The following MAGI1 variants were observed in gnomAD, a reference collection of about 807,000 sequenced individuals.
MAGI1 encodes membrane associated guanylate kinase, WW and PDZ domain containing 1, also known as membrane-associated guanylate kinase, WW and PDZ domain-containing protein 1.
MAGI1 carries 58 observed loss-of-function variants against 139.9 expected under a neutral mutation model. The observed-to-expected ratio is 0.41, with a 90% CI of 0.34 to 0.52. The LOEUF (loss-of-function observed/expected upper bound fraction) is 0.52, where lower values mean the gene tolerates loss of function less well. Ranked by LOEUF, MAGI1 falls within the 20% of genes least tolerant of loss-of-function variation. The pLI, the probability that MAGI1 is intolerant of heterozygous loss-of-function variation, is 0.12. For synonymous variants in MAGI1, 812 were observed against 737.9 expected, an observed-to-expected ratio of 1.10 and a Z score of -1.63; for missense variants, 1,874 against 1,901.6, an observed-to-expected ratio of 0.99 and a Z score of 0.27.
At chr3:65,915,891 T>A (rs865782681) in intron 1 of MAGI1, among the ~76,000 whole-genome samples, 16 of 151,900 alleles carry the variant, frequency 1.1e-4, no homozygotes, top group Admixed American at 1.1e-3. Flanking sequence ...CTTTGATTTA[T>A]GTTGAAAAAG....
At chr3:66,022,611 T>A (rs1173742476) in intron 1 of MAGI1, among the ~76,000 whole-genome samples, 1 of 152,210 alleles carries the variant, frequency 6.6e-6, no homozygotes, top group Non-Finnish European at 1.5e-5. Flanking sequence ...TACTGGGGAT[T>A]TTTTTCCATC....
chr3:65,460,161 T>G (rs1949675585), intron 5 of MAGI1, among the ~76,000 whole-genome samples: 1 of 152,224 alleles, frequency 6.6e-6, no homozygotes, highest in South Asian at 2.1e-4. Flanking sequence ...GAGCATTGAT[T>G]CTTTAGCCTG....
intron 12 of MAGI1, among the ~76,000 whole-genome samples, chr3:65,410,628 A>G (rs1487336768): frequency 6.6e-6 from 1 of 152,226 alleles, no homozygotes; most frequent in African/African-American, 2.4e-5. Flanking sequence ...GGGTCAAGGT[A>G]TCTAGGGCTC....
intron 2 of MAGI1, among the ~76,000 whole-genome samples, chr3:65,514,477 C>T (rs1192486061): frequency 2.7e-5 from 4 of 149,768 alleles, no homozygotes; most frequent in South Asian, 2.1e-4. Context: ...AAACAAACAA[C>T]CCCATCAAAA....
chr3:65,468,997 A>T (rs1325403381), intron 5 of MAGI1, among the ~76,000 whole-genome samples: 1 of 151,320 alleles, frequency 6.6e-6, no homozygotes, highest in Non-Finnish European at 1.5e-5. Context: ...AAATGTGTGT[A>T]TACACACACA....
chr3:66,038,525 C>G lies in MAGI1; in HGVS notation c.-217G>C. The G allele has an allele frequency of 1.0e-5, 6 of 586,576 alleles. No individual in the cohort carries two copies. In the South Asian group the frequency reaches 2.3e-4, roughly 22 times the overall value. The allele number at this position is 586,576 out of a possible 1,614,324, so 36.3% of individuals were successfully genotyped here. Reference sequence around the variant, plus strand: ...GGCTTCCCCGCGAGCCCCGCACAGGCGCCCGCGAGCTTTGTTTGCATTCCG... The same window carrying G: ...GGCTTCCCCGCGAGCCCCGCACAGGGGCCCGCGAGCTTTGTTTGCATTCCG... On this transcript the variant is annotated 5_prime_UTR_variant, in exon 1 of 23. Transcript: ENST00000402939.
At position 65,879,081 on chromosome 3, in the gene MAGI1, CAA is replaced by C. The variant is rs566553762; in HGVS notation, c.313+158913_313+158914del. ...CAATCCACGTTTGAAAAACAACCAC[CAA>C]AAAGACTTGTGCTCATTGGTAAACA... On this transcript the variant is annotated intron_variant, in intron 1 of 22. Transcript: ENST00000402939. 4.4e-3 allele frequency among the ~76,000 whole-genome samples: 668 copies of C among 152,090 alleles called. 1 individual carries two copies. The highest frequency in any genetic ancestry group is 6.1e-3 in the Non-Finnish European group (412 of 67,986).
At chr3:65,854,177 A>T (rs757808731) in intron 1 of MAGI1, among the ~76,000 whole-genome samples, 11 of 38,966 alleles carry the variant, frequency 2.8e-4, no homozygotes, top group Admixed American at 7.9e-4. Flanking sequence ...TTAAAGGTTT[A>T]AAAAAAAAAA....
intron 1 of MAGI1, among the ~76,000 whole-genome samples, chr3:65,796,463 G>A (rs1024265037): frequency 1.6e-4 from 25 of 152,098 alleles, no homozygotes; most frequent in African/African-American, 5.8e-4. Context: ...CATTACAGCT[G>A]CTGTTTCATC....
chr3:65,808,597 G>A (rs1006098630), intron 1 of MAGI1, among the ~76,000 whole-genome samples: 5 of 152,150 alleles, frequency 3.3e-5, no homozygotes, highest in African/African-American at 9.7e-5. Context: ...ATGGGTCAAG[G>A]GACAATATTA....
intron 2 of MAGI1, among the ~76,000 whole-genome samples, chr3:65,613,788 G>A (rs747631908): frequency 3.3e-5 from 5 of 152,050 alleles, no homozygotes; most frequent in Admixed American, 6.6e-5. Flanking sequence ...CTAGTGTTGG[G>A]TTGTTACTCA....
At chr3:65,739,589 T>C (rs527425114) in intron 1 of MAGI1, among the ~76,000 whole-genome samples, 1 of 152,214 alleles carries the variant, frequency 6.6e-6, no homozygotes, top group South Asian at 2.1e-4. Context: ...CTCTAGCTTT[T>C]GATTTAAAGT....
intron 7 of MAGI1, among the ~76,000 whole-genome samples, 199 bp downstream of exon 7, chr3:65,447,823 T>C (rs1383285914): frequency 1.3e-5 from 2 of 152,224 alleles, no homozygotes; most frequent in Non-Finnish European, 2.9e-5. Flanking sequence ...GTAAACATAA[T>C]GTACTACAAC....
intron 1 of MAGI1, among the ~76,000 whole-genome samples, chr3:65,671,614 G>C (rs2086862157): frequency 6.6e-6 from 1 of 152,198 alleles, no homozygotes; most frequent in African/African-American, 2.4e-5. Context: ...CAGAGAATCA[G>C]AGTGTCAAGG....
At chr3:65,479,823 T>C (rs1951145785) in intron 3 of MAGI1, among the ~76,000 whole-genome samples, 2 of 152,174 alleles carry the variant, frequency 1.3e-5, no homozygotes, top group Admixed American at 6.5e-5. Flanking sequence ...CATGTTCTCA[T>C]ATGAACAAAA....
intron 1 of MAGI1, among the ~76,000 whole-genome samples, chr3:65,827,279 C>T (rs1029676534): frequency 2.0e-5 from 3 of 151,948 alleles, no homozygotes; most frequent in Non-Finnish European, 1.5e-5. Flanking sequence ...TTCAGAATGT[C>T]GAAAGTTGAT....
chr3:65,983,245 G>A (rs914873467), intron 1 of MAGI1, among the ~76,000 whole-genome samples: 2 of 152,174 alleles, frequency 1.3e-5, no homozygotes, highest in African/African-American at 2.4e-5. Context: ...TTCTTTATAT[G>A]TGCATATAAT....
chr3:65,359,329 A>G, intron 22 of MAGI1: 4 of 1,417,862 alleles, frequency 2.8e-6, no homozygotes, highest in Non-Finnish European at 9.2e-7. Context: ...GCAACACTCA[A>G]ATAAGGCTGC....
At chr3:65,614,123 C>T (rs2083254520) in intron 2 of MAGI1, among the ~76,000 whole-genome samples, 1 of 152,094 alleles carries the variant, frequency 6.6e-6, no homozygotes, top group African/African-American at 2.4e-5. Context: ...TCAGGTCCAC[C>T]ACACCTGAAA....
Sources: allele counts gnomAD v4.1 joint callset (sites outside exome capture counted in the v4.1 genomes callset), GRCh38; gene constraint gnomAD v4.1.1; transcripts MANE v1.5; gene names NCBI Gene and HGNC (gene_info 2026-07-23, HGNC 2026-07-21).